Variants in RANBP2 observed in about 807,000 individuals in gnomAD.
RANBP2 encodes the protein E3 SUMO-protein ligase RanBP2.
In RANBP2, 57 loss-of-function variants were observed where a neutral mutation model predicts 303.6. The observed-to-expected ratio is 0.19, with a 90% CI of 0.15 to 0.23. The LOEUF is 0.23. Among genes scored for constraint, RANBP2 ranks in the 10% least tolerant of loss-of-function variants. The pLI, the probability that RANBP2 is intolerant of heterozygous loss-of-function variation, is 1.00. For missense variants in RANBP2, 3,138 were observed against 3,780.8 expected (o/e 0.83, Z 4.46); for synonymous variants, 1,167 against 1,301.5 (o/e 0.90, Z 2.23).
At chr2:109,239,408 G>A in the RANBP2 span, among the ~76,000 whole-genome samples, 1 of 152,188 alleles carries the variant, frequency 6.6e-6, no homozygotes, top group Non-Finnish European at 1.5e-5. Flanking sequence ...ATAAGAATAA[G>A]GATACAGTTT....
chr2:109,585,696 T>TA, the RANBP2 span: 9 of 1,474,590 alleles, frequency 6.1e-6, no homozygotes, highest in African/African-American at 9.7e-5. Context: ...AGGAACAACT[T>TA]AGAGGAAGAG....
At chr2:108,738,312 T>G (rs547166938) in intron 6 of RANBP2, among the ~76,000 whole-genome samples, 1 of 151,982 alleles carries the variant, frequency 6.6e-6, no homozygotes, top group African/African-American at 2.4e-5. Context: ...CCTGACCTTG[T>G]GATCCGCCCG....
At chr2:108,909,907 C>T in the RANBP2 span, among the ~76,000 whole-genome samples, 10 of 152,304 alleles carry the variant, frequency 6.6e-5, no homozygotes, top group East Asian at 1.9e-4. Flanking sequence ...TGACCTTGGG[C>T]GAGTGACAAC....
chr2:109,728,838 T>C, the RANBP2 span, among the ~76,000 whole-genome samples: 2 of 151,880 alleles, frequency 1.3e-5, no homozygotes, highest in Non-Finnish European at 2.9e-5. Context: ...CCCCGATTAC[T>C]GATTTCTGTG....
chr2:109,506,407 T>C, the RANBP2 span, among the ~76,000 whole-genome samples: 2 of 152,138 alleles, frequency 1.3e-5, no homozygotes, highest in African/African-American at 2.4e-5. Context: ...AACACACAGG[T>C]GGCCATGGCA....
chr2:108,789,245 A>G (rs1375572591), downstream of RANBP2, among the ~76,000 whole-genome samples: 1 of 152,214 alleles, frequency 6.6e-6, no homozygotes, highest in Non-Finnish European at 1.5e-5. Context: ...ATGGTTATTC[A>G]TTCAGGACCC....
the RANBP2 span, among the ~76,000 whole-genome samples, chr2:109,390,005 C>T: frequency 6.6e-6 from 1 of 152,136 alleles, no homozygotes; most frequent in Non-Finnish European, 1.5e-5. Flanking sequence ...GCAGAAGCGC[C>T]CTGGGAAATT....
chr2:109,367,062 C>T, the RANBP2 span, among the ~76,000 whole-genome samples: 3,938 of 150,788 alleles, frequency 0.026, 169 homozygotes, highest in African/African-American at 0.09. Flanking sequence ...AAGAGATTCT[C>T]GTGCCTCACC....
the RANBP2 span, among the ~76,000 whole-genome samples, chr2:109,588,187 A>C: frequency 2.6e-5 from 4 of 152,326 alleles, no homozygotes; most frequent in East Asian, 5.8e-4. Flanking sequence ...AGACAACTTC[A>C]GATAAACAAA....
the RANBP2 span, among the ~76,000 whole-genome samples, chr2:109,569,711 T>G: frequency 6.6e-6 from 1 of 152,172 alleles, no homozygotes. Flanking sequence ...CAACAAATTA[T>G]GCCAAGTTAA....
At chr2:109,120,222 G>T in the RANBP2 span, among the ~76,000 whole-genome samples, 2 of 152,190 alleles carry the variant, frequency 1.3e-5, no homozygotes, top group African/African-American at 2.4e-5. Flanking sequence ...GTAAGAGGAG[G>T]GGGAGGGCCT....
chr2:109,354,723 G>A, the RANBP2 span, among the ~76,000 whole-genome samples: 4 of 152,252 alleles, frequency 2.6e-5, no homozygotes, highest in South Asian at 2.1e-4. Flanking sequence ...GAAGGCGAGC[G>A]TCGGCACCCT....
the RANBP2 span, among the ~76,000 whole-genome samples, chr2:109,007,271 CA>C: frequency 6.6e-6 from 1 of 152,198 alleles, no homozygotes; most frequent in Non-Finnish European, 1.5e-5. Context: ...CTATTTTGAT[CA>C]AACCACCAGC....
chr2:109,761,651 C>G, the RANBP2 span, among the ~76,000 whole-genome samples: 3 of 148,618 alleles, frequency 2.0e-5, 1 homozygote, highest in African/African-American at 7.4e-5. Context: ...TCTGCTCCCC[C>G]CAACCCGCCA....
the RANBP2 span, among the ~76,000 whole-genome samples, chr2:109,542,782 T>C: frequency 1.3e-5 from 2 of 152,344 alleles, no homozygotes; most frequent in South Asian, 4.1e-4. Context: ...AAATAAAATT[T>C]AAAGTATACA....
the RANBP2 span, among the ~76,000 whole-genome samples, chr2:109,147,978 G>A: frequency 6.6e-6 from 1 of 152,182 alleles, no homozygotes. Context: ...TTACAGGTTT[G>A]CTTAAGATCT....
chr2:109,663,537 T>A, the RANBP2 span, among the ~76,000 whole-genome samples: 1 of 152,206 alleles, frequency 6.6e-6, no homozygotes, highest in African/African-American at 2.4e-5. Context: ...AGAGCAAGTG[T>A]CTCACAGTTT....
chr2:108,873,827 G>A, the RANBP2 span, among the ~76,000 whole-genome samples: 24 of 152,130 alleles, frequency 1.6e-4, no homozygotes, highest in Non-Finnish European at 2.8e-4. Flanking sequence ...AAGCCATCCT[G>A]GGCCGCATGC....
At chr2:109,138,002 C>T in the RANBP2 span, among the ~76,000 whole-genome samples, 3 of 152,166 alleles carry the variant, frequency 2.0e-5, no homozygotes, top group African/African-American at 2.4e-5. Context: ...CAGACACATA[C>T]ATTTATTTCG....
Sources: gnomAD v4.1 joint callset for allele counts (sites outside exome capture counted in the v4.1 genomes callset) on GRCh38, gnomAD v4.1.1 for gene constraint, MANE v1.5 for transcripts, NCBI Gene and HGNC (gene_info 2026-07-23, HGNC 2026-07-21) for gene names.